Variants in RYR2 observed in about 807,000 individuals in gnomAD.
RYR2 encodes the protein cardiac muscle ryanodine receptor-calcium release channel.
In RYR2, 227 loss-of-function variants were observed where a neutral mutation model predicts 601.1. That is an observed-to-expected ratio of 0.38 (90% CI 0.34 to 0.42). The LOEUF is 0.42. Among genes scored for constraint, RYR2 ranks in the 10% least tolerant of loss-of-function variants. The probability of loss-of-function intolerance (pLI) is 1.00; values close to 1 mark genes in which losing one functional copy is unlikely to be tolerated. For synonymous variants in RYR2, 2,223 were observed against 2,175.1 expected (o/e 1.02, Z -0.61); for missense variants, 4,646 against 6,156.5 (o/e 0.75, Z 8.21).
chr1:237,417,160 G>A, intron 11 of RYR2, 37 bp downstream of exon 11: 1 of 1,504,838 alleles, frequency 6.6e-7, no homozygotes, highest in Non-Finnish European at 9.3e-7. Flanking sequence ...AATGCACCAA[G>A]TGTACCAAAT....
In RYR2 at chr1:237,351,222, G is replaced by T. The variant is rs144456792; in HGVS notation, c.274-4743G>T. Among the ~76,000 whole-genome samples the T allele has an allele frequency of 8.7e-3, 1,318 of 152,224 alleles. 21 individuals are homozygous for T. Among genetic ancestry groups the T allele is most frequent in the African/African-American group, 0.03 (1,252 of 41,576 alleles). ...TAAAACTGTGGATACAGTTAAAACT[G>T]ATTAGAGGAAGTTATTCGGCCCTAA... is the stretch of plus-strand genomic sequence containing the variant. On this transcript the variant is annotated intron_variant, in intron 3 of 104. Transcript: ENST00000366574.
intron 29 of RYR2, among the ~76,000 whole-genome samples, chr1:237,587,206 A>G (rs1237050470): frequency 3.3e-5 from 5 of 152,146 alleles, no homozygotes; most frequent in Non-Finnish European, 7.3e-5. Flanking sequence ...TAAATCTTAT[A>G]CTAGTTTAAG....
chr1:237,358,439 G>T (rs547770590), intron 4 of RYR2, among the ~76,000 whole-genome samples: 1 of 151,812 alleles, frequency 6.6e-6, no homozygotes, highest in African/African-American at 2.4e-5. Context: ...GGCAGGAAAG[G>T]TCTGCTTTGA....
At position 237,454,298 on chromosome 1, in the gene RYR2, G is replaced by GGA; in HGVS notation, c.1293-86_1293-85dup. 2.3e-6 allele frequency: 3 copies of GGA among 1,276,794 alleles called. No homozygotes were observed. The South Asian group carries it at 4.7e-5, about 20-fold the overall frequency. The allele number at this position is 1,276,794 out of a possible 1,614,324, so 79.1% of individuals were successfully genotyped here. ...ACATGTCCCTTTTACAGTGATGTAG[G>GGA]GAGAGAGATTAATGCCTGAAATCAT... On this transcript the variant is annotated intron_variant, in intron 14 of 104. Transcript: ENST00000366574.
At chr1:237,673,344 AC>A (rs1331880369) in intron 58 of RYR2, among the ~76,000 whole-genome samples, 1 of 152,120 alleles carries the variant, frequency 6.6e-6, no homozygotes, top group Non-Finnish European at 1.5e-5. Flanking sequence ...CAAAATTTTA[AC>A]CAAAATTTTT....
chr1:237,083,405 C>T (rs1159119841), intron 1 of RYR2, among the ~76,000 whole-genome samples: 1 of 152,154 alleles, frequency 6.6e-6, no homozygotes, highest in Non-Finnish European at 1.5e-5. Context: ...CACTTCTAGC[C>T]TTTCACTCGG....
chr1:237,046,745 CTG>C (rs796864355), intron 1 of RYR2, among the ~76,000 whole-genome samples: 1 of 152,342 alleles, frequency 6.6e-6, no homozygotes, highest in African/African-American at 2.4e-5. Context: ...CACTGGGTGA[CTG>C]TGCTTCTTTA....
chr1:237,280,290 C>T (rs991398892), intron 2 of RYR2, among the ~76,000 whole-genome samples: 1 of 152,110 alleles, frequency 6.6e-6, no homozygotes, highest in Non-Finnish European at 1.5e-5. Context: ...TATGAACCAT[C>T]TTAAACAGCA....
chr1:237,275,965 G>T (rs1316973062), intron 2 of RYR2, among the ~76,000 whole-genome samples: 1 of 152,032 alleles, frequency 6.6e-6, no homozygotes, highest in Non-Finnish European at 1.5e-5. Flanking sequence ...ATTAAATCTT[G>T]GGTCAAAGGC....
chr1:237,752,626 C>T (rs559127994), intron 80 of RYR2, among the ~76,000 whole-genome samples: 1 of 152,290 alleles, frequency 6.6e-6, no homozygotes, highest in African/African-American at 2.4e-5. Flanking sequence ...TAAGTTGTCT[C>T]TTATCCATAC....
intron 12 of RYR2, among the ~76,000 whole-genome samples, chr1:237,427,160 A>G (rs1459638138): frequency 1.3e-5 from 2 of 152,322 alleles, no homozygotes; most frequent in African/African-American, 4.8e-5. Context: ...ATCATGCGTA[A>G]TCCAGCCTAA....
At chr1:237,343,174 G>A (rs1206967421) in intron 3 of RYR2, among the ~76,000 whole-genome samples, 1 of 151,852 alleles carries the variant, frequency 6.6e-6, no homozygotes, top group Non-Finnish European at 1.5e-5. Context: ...GGTGAGCTGT[G>A]TTTGTGCCAC....
At position 237,254,538 on chromosome 1, in the gene RYR2, G is replaced by C. The variant is rs111445773; in HGVS notation, c.49-15959G>C. Reference sequence around the variant, plus strand: ...TCTTTTCAGAATTTTAACATGGTTTGTACAATCTGAGTCTGGTATAGGTCT... The same window carrying C: ...TCTTTTCAGAATTTTAACATGGTTTCTACAATCTGAGTCTGGTATAGGTCT... On this transcript the variant is annotated intron_variant, in intron 1 of 104. Transcript: ENST00000366574. Among the ~76,000 whole-genome samples, 871 of 152,248 alleles carry C rather than the reference G, an allele frequency of 5.7e-3. 8 individuals are homozygous for C. The highest frequency in any genetic ancestry group is 0.02 in the African/African-American group (825 of 41,538).
intron 24 of RYR2, among the ~76,000 whole-genome samples, chr1:237,515,185 A>G (rs560853793): frequency 4.6e-5 from 7 of 152,350 alleles, no homozygotes; most frequent in African/African-American, 1.7e-4. Context: ...CATGCCTGCC[A>G]GATGACCCTC....
chr1:237,209,497 A>ATATGTGTGTGTGTGTGTGTGTG (rs138024057), intron 1 of RYR2, among the ~76,000 whole-genome samples: 26 of 143,354 alleles, frequency 1.8e-4, no homozygotes, highest in African/African-American at 6.3e-4. Flanking sequence ...ATCTGCATAT[A>ATATGTGTGTGTGTGTGTGTGTG]TGTGTGTGTG....
At chr1:237,793,150 G>A (rs1658664657) in intron 94 of RYR2, among the ~76,000 whole-genome samples, 1 of 152,156 alleles carries the variant, frequency 6.6e-6, no homozygotes, top group Admixed American at 6.5e-5. Context: ...TCTTGCAGAA[G>A]ACGTGTGAAA....
intron 1 of RYR2, among the ~76,000 whole-genome samples, chr1:237,096,895 A>G (rs552746508): frequency 6.6e-6 from 1 of 152,252 alleles, no homozygotes; most frequent in South Asian, 2.1e-4. Context: ...TGAATTAGAA[A>G]TCCTGCACCT....
In RYR2 at chr1:237,423,159, T is replaced by C. The variant is rs1159486360; in HGVS notation, c.916T>C (p.Leu306=). 3.7e-6 allele frequency: 6 copies of C among 1,613,894 alleles called. No individual in the cohort carries two copies. The highest frequency in any genetic ancestry group is 5.1e-6 in the Non-Finnish European group (6 of 1,179,832). ...RLRHVTTGKY[L]SLMEDKNLLL... Reference sequence around the variant, plus strand: ...ACGCCATGTCACAACAGGAAAATACTTGAGTCTCATGGAAGACAAAAACCT... The same window carrying C: ...ACGCCATGTCACAACAGGAAAATACCTGAGTCTCATGGAAGACAAAAACCT... The change falls in exon 12 of 105, where the codon TTG becomes CTG. Residue 306 remains leucine (L), a synonymous_variant. Coordinates refer to ENST00000366574, the MANE Select transcript of RYR2 (RefSeq NM_001035.3).
intron 23 of RYR2, among the ~76,000 whole-genome samples, chr1:237,510,768 C>G (rs1286556378): frequency 1.3e-5 from 2 of 152,196 alleles, no homozygotes; most frequent in African/African-American, 4.8e-5. Flanking sequence ...CGATTTAGGT[C>G]TCTGAGAAGA....
Sources: allele counts gnomAD v4.1 joint callset (sites outside exome capture counted in the v4.1 genomes callset), GRCh38; gene constraint gnomAD v4.1.1; transcripts MANE v1.5; gene names NCBI Gene and HGNC (gene_info 2026-07-23, HGNC 2026-07-21).